HTR4: variants seen among roughly 807,000 people sequenced by gnomAD.
HTR4 encodes 5-hydroxytryptamine (serotonin) receptor 4, G protein-coupled.
HTR4 carries 16 observed loss-of-function variants against 36.8 expected under a neutral mutation model. The ratio of observed to expected loss-of-function variants is 0.43; its 90% CI spans 0.29 to 0.66. The LOEUF is 0.66. Ranked by LOEUF, HTR4 falls within the 30% of genes least tolerant of loss-of-function variation. HTR4 has a pLI of 0.13. For synonymous variants in HTR4, 189 were observed against 185.1 expected, an observed-to-expected ratio of 1.02 and a Z score of -0.17; for missense variants, 438 against 490.9, an observed-to-expected ratio of 0.89 and a Z score of 1.02.
intron 4 of HTR4, among the ~76,000 whole-genome samples, chr5:148,527,436 C>T (rs1231415627): frequency 1.3e-5 from 2 of 152,184 alleles, no homozygotes; most frequent in Non-Finnish European, 2.9e-5. Flanking sequence ...ACATAATGAT[C>T]ATCCCATGAA....
rs149848751 is a variant in HTR4, at chr5:148,545,151, T to C, written c.353+3517A>G. ...CCTCCAGCACTATGAGGGAACGCTCTTGGGACAGGGAAAGCTGGAGACAAG... is the reference window on the plus strand; with the variant it reads ...CCTCCAGCACTATGAGGGAACGCTCCTGGGACAGGGAAAGCTGGAGACAAG... On this transcript the variant is annotated intron_variant, in intron 4 of 6. Coordinates refer to ENST00000377888, the MANE Select transcript of HTR4 (RefSeq NM_000870.7). Among the ~76,000 whole-genome samples, 648 of 152,302 alleles carry C rather than the reference T, an allele frequency of 4.3e-3. 2 individuals carry two copies. The highest frequency in any genetic ancestry group is 8.1e-3 in the Non-Finnish European group (552 of 68,016).
chr5:148,521,902 TTCAGCTCCATG>T (rs1021288861), intron 5 of HTR4, among the ~76,000 whole-genome samples: 1 of 152,160 alleles, frequency 6.6e-6, no homozygotes, highest in Non-Finnish European at 1.5e-5. Context: ...ACATATTTTC[TTCAGCTCCATG>T]TCAGCTGATA....
intron 2 of HTR4, among the ~76,000 whole-genome samples, chr5:148,595,434 T>C (rs1008008382): frequency 3.9e-5 from 6 of 152,240 alleles, no homozygotes; most frequent in Non-Finnish European, 5.9e-5. Context: ...AATTTTCCCA[T>C]GTCATCTGCT....
intron 6 of HTR4, among the ~76,000 whole-genome samples, chr5:148,498,599 A>T (rs1262603544): frequency 2.0e-5 from 3 of 152,172 alleles, no homozygotes; most frequent in Non-Finnish European, 2.9e-5. Flanking sequence ...GGAATTAAAT[A>T]AGGAATTGTA....
intron 1 of HTR4, among the ~76,000 whole-genome samples, chr5:148,641,408 C>T (rs1753725153): frequency 6.6e-6 from 1 of 152,144 alleles, no homozygotes; most frequent in Non-Finnish European, 1.5e-5. Context: ...TACTAATCCC[C>T]TTCGGAGAAA....
chr5:148,527,691 T>G (rs1230653541), intron 4 of HTR4, among the ~76,000 whole-genome samples: 1 of 152,120 alleles, frequency 6.6e-6, no homozygotes, highest in Non-Finnish European at 1.5e-5. Context: ...CTTGGCTCAC[T>G]GCAACCTCCG....
chr5:148,483,941 AT>A (rs1228266031), intron 6 of HTR4, among the ~76,000 whole-genome samples: 4 of 72,704 alleles, frequency 5.5e-5, no homozygotes, highest in African/African-American at 3.5e-4. Context: ...TTTATTATTT[AT>A]TTATTTATTT....
intron 1 of HTR4, among the ~76,000 whole-genome samples, chr5:148,653,188 G>A (rs943287310): frequency 2.0e-5 from 3 of 152,276 alleles, no homozygotes; most frequent in African/African-American, 7.2e-5. Flanking sequence ...TTGAACCAGT[G>A]TCCTTCCATC....
At chr5:148,564,300 A>G (rs1760342926) in intron 2 of HTR4, among the ~76,000 whole-genome samples, 1 of 152,184 alleles carries the variant, frequency 6.6e-6, no homozygotes, top group Admixed American at 6.6e-5. Flanking sequence ...CACTCAGCTT[A>G]AACATCTTAT....
chr5:148,492,996 G>GGCT (rs1470755399), intron 6 of HTR4, among the ~76,000 whole-genome samples: 1 of 152,210 alleles, frequency 6.6e-6, no homozygotes, highest in Non-Finnish European at 1.5e-5. Flanking sequence ...CATTAGCCTA[G>GGCT]AAGTGGGCAT....
intron 6 of HTR4, among the ~76,000 whole-genome samples, chr5:148,487,102 CT>C (rs11313376): frequency 0.48 from 73,349 of 152,024 alleles, 18,418 homozygotes; most frequent in African/African-American, 0.63. Flanking sequence ...ATTGTCATAT[CT>C]TTTTTTCACA....
intron 2 of HTR4, among the ~76,000 whole-genome samples, chr5:148,619,952 T>C (rs1752853058): frequency 6.6e-6 from 1 of 152,204 alleles, no homozygotes; most frequent in Admixed American, 6.5e-5. Flanking sequence ...TCTGAGGTAT[T>C]TTATGCTAAA....
At chr5:148,536,557 C>A (rs1758833482) in intron 4 of HTR4, among the ~76,000 whole-genome samples, 1 of 151,940 alleles carries the variant, frequency 6.6e-6, no homozygotes. Flanking sequence ...GTCTACCAAG[C>A]AAATGGAAAA....
In HTR4 at chr5:148,550,223, C is replaced by T. The variant is rs201439456; in HGVS notation, c.66G>A (p.Leu22=). The T allele has an allele frequency of 3.7e-6, 6 of 1,614,100 alleles. No homozygotes were observed. The highest frequency in any genetic ancestry group is 5.1e-6 in the Non-Finnish European group (6 of 1,179,988). ...EGFGSVEKVV[L]LTFLSTVILM... The stretch of plus-strand genomic sequence containing the variant: ...GGATAACCGTCGAGAGAAACGTGAG[C>T]AGCACCACCTTCTCCACTGACCCGA... Residue 22 remains leucine, a synonymous_variant, in exon 3 of 7, where the codon CTG becomes CTA. Transcript: ENST00000377888.
chr5:148,593,535 A>G (rs1761653849), intron 2 of HTR4, among the ~76,000 whole-genome samples: 1 of 152,086 alleles, frequency 6.6e-6, no homozygotes, highest in South Asian at 2.1e-4. Context: ...TTTTTCTGAA[A>G]TGCCTCAATT....
At chr5:148,556,275 C>T (rs374238806) in intron 2 of HTR4, among the ~76,000 whole-genome samples, 6 of 152,326 alleles carry the variant, frequency 3.9e-5, no homozygotes, top group Admixed American at 1.3e-4. Flanking sequence ...CTGCCCGCCT[C>T]GGCCTCCCAA....
intron 2 of HTR4, among the ~76,000 whole-genome samples, chr5:148,626,892 A>AT (rs956127019): frequency 5.3e-5 from 8 of 152,218 alleles, no homozygotes; most frequent in Admixed American, 2.0e-4. Context: ...TTCTATAGAC[A>AT]TTTTTTTACC....
chr5:148,554,701 G>A (rs1581469878), intron 2 of HTR4, among the ~76,000 whole-genome samples: 1 of 152,168 alleles, frequency 6.6e-6, no homozygotes, highest in Admixed American at 6.5e-5. Flanking sequence ...AGGTACATGT[G>A]CAGGTTTGTT....
chr5:148,636,913 A>C (rs1753561059), intron 2 of HTR4, 76 bp downstream of exon 2: 10 of 951,462 alleles, frequency 1.1e-5, no homozygotes, highest in Non-Finnish European at 1.7e-5. Flanking sequence ...ATAACTCTAC[A>C]ACAACAGATT....
Sources: allele counts gnomAD v4.1 joint callset (sites outside exome capture counted in the v4.1 genomes callset), GRCh38; gene constraint gnomAD v4.1.1; transcripts MANE v1.5; gene names NCBI Gene and HGNC (gene_info 2026-07-23, HGNC 2026-07-21).